RELN: variants seen among roughly 807,000 people sequenced by gnomAD.
RELN encodes reelin.
In RELN, 108 loss-of-function variants were observed where a neutral mutation model predicts 427.6. That is an observed-to-expected ratio of 0.25 (90% CI 0.22 to 0.30). The LOEUF is 0.30. RELN is among the 10% of genes least tolerant of loss of function. The probability of loss-of-function intolerance (pLI) is 1.00; values close to 1 mark genes in which losing one functional copy is unlikely to be tolerated. For synonymous variants in RELN, 1,524 were observed against 1,513.4 expected (o/e 1.01, Z -0.16); for missense variants, 3,715 against 4,302.8 (o/e 0.86, Z 3.82).
At chr7:103,861,594 C>T (rs1418634984) in intron 2 of RELN, among the ~76,000 whole-genome samples, 1 of 152,112 alleles carries the variant, frequency 6.6e-6, no homozygotes. Flanking sequence ...TGTTTACATT[C>T]CAAAGCAAAA....
At chr7:103,921,413 C>G (rs914610527) in intron 1 of RELN, among the ~76,000 whole-genome samples, 1 of 151,986 alleles carries the variant, frequency 6.6e-6, no homozygotes, top group African/African-American at 2.4e-5. Flanking sequence ...AAATTCTTTC[C>G]CAAGGGACTT....
intron 6 of RELN, among the ~76,000 whole-genome samples, chr7:103,738,674 T>C (rs944151750): frequency 7.1e-5 from 2 of 28,010 alleles, no homozygotes; most frequent in East Asian, 8.6e-4. Context: ...CTTCCTTCCT[T>C]TTTTTTTTTT....
intron 3 of RELN, among the ~76,000 whole-genome samples, chr7:103,787,303 C>T (rs1232320866): frequency 6.6e-6 from 1 of 151,750 alleles, no homozygotes; most frequent in African/African-American, 2.4e-5. Flanking sequence ...AAAGCAAGAA[C>T]AAACAAATTC....
rs113221814 is a variant in RELN at position 103,521,777 on chromosome 7, C to T, written c.7668+245G>A. ...TGGGAATGATTAATATTTTCTGATT[C>T]CTTAGTATAAAGCATAGCATAAAGT... On this transcript the variant is annotated intron_variant, in intron 48 of 64. Coordinates refer to ENST00000428762, the MANE Select transcript of RELN (RefSeq NM_005045.4). 0.019 allele frequency among the ~76,000 whole-genome samples: 2,863 copies of T among 152,174 alleles called. 97 individuals are homozygous for T. The highest frequency in any genetic ancestry group is 0.065 in the African/African-American group (2,715 of 41,498).
rs60265174 is a variant in RELN at position 103,930,868 on chromosome 7, ATGTGTGTGTGTG to A, written c.227-13695_227-13684del. Among the ~76,000 whole-genome samples, 734 of 142,002 alleles carry A rather than the reference ATGTGTGTGTGTG, an allele frequency of 5.2e-3. 8 individuals are homozygous for A. The highest frequency in any genetic ancestry group is 0.017 in the African/African-American group (671 of 38,812). 93.2% of individuals were successfully genotyped at this position (142,002 alleles called of 152,430 possible). On this transcript the variant is annotated intron_variant, in intron 1 of 64. Transcript: ENST00000428762. ...AGTTATGCTTCTTGGGTGTGAGCAT[ATGTGTGTGTGTG>A]TGTGTGTGTGTGTGTGTGTGTGTGT...
intron 50 of RELN, chr7:103,513,606 G>A (rs1829483586): frequency 6.6e-6 from 1 of 151,956 alleles, no homozygotes; most frequent in Admixed American, 6.6e-5. Context: ...TTAAACGAGG[G>A]TGTTTCAAAG....
intron 4 of RELN, among the ~76,000 whole-genome samples, chr7:103,771,118 T>A (rs942547048): frequency 5.9e-5 from 9 of 151,852 alleles, no homozygotes; most frequent in Non-Finnish European, 1.2e-4. Flanking sequence ...GGTTTCACTA[T>A]GTTGGCCAGG....
intron 3 of RELN, among the ~76,000 whole-genome samples, chr7:103,782,731 T>C (rs1173756219): frequency 6.6e-6 from 1 of 152,220 alleles, no homozygotes; most frequent in African/African-American, 2.4e-5. Flanking sequence ...AGTATTTTAA[T>C]ATACTTGCTA....
At position 103,650,259 on chromosome 7, in the gene RELN, G is replaced by A; in HGVS notation, c.2002+15C>T. On this transcript the variant is annotated intron_variant, in intron 16 of 64. Transcript: ENST00000428762. ...ACATCAATGGCATGTGATTATGACA[G>A]GCATAAACACTAACCATTATCAATT... The A allele has an allele frequency of 7.0e-7, 1 of 1,430,328 alleles. No individual in the cohort carries two copies. 88.6% of individuals were successfully genotyped at this position (1,430,328 alleles called of 1,614,324 possible). A position where few individuals can be genotyped will look rare whatever the true frequency, so the allele number is the denominator to read the frequency against.
chr7:103,728,070 A>T, intron 7 of RELN, 41 bp downstream of exon 7: 1 of 1,596,962 alleles, frequency 6.3e-7, no homozygotes. Flanking sequence ...AGCTCAGTAA[A>T]TACTATAATG....
chr7:103,898,699 C>T (rs923064359), intron 2 of RELN, among the ~76,000 whole-genome samples: 2 of 149,202 alleles, frequency 1.3e-5, no homozygotes, highest in Admixed American at 6.6e-5. Flanking sequence ...ATTTTGCTCA[C>T]ATATATTGAA....
chr7:103,923,196 G>A (rs1795653346), intron 1 of RELN, among the ~76,000 whole-genome samples: 1 of 152,092 alleles, frequency 6.6e-6, no homozygotes, highest in African/African-American at 2.4e-5. Flanking sequence ...CTCTGAAGAA[G>A]AAATAAACTG....
chr7:103,522,069 T>C lies in RELN; in HGVS notation c.7621A>G (p.Thr2541Ala), dbSNP rs1324853799. ...WLTVNGGKLS[T>A]VCGAVASGMA... Reference sequence around the variant, plus strand: ...CCCGACGCCACGGCTCCACACACTGTACTCAATTTCCCTCCGTTCACAGTC... The same window carrying C: ...CCCGACGCCACGGCTCCACACACTGCACTCAATTTCCCTCCGTTCACAGTC... Residue 2541 changes from threonine (T) to alanine (A), a missense_variant, in exon 48 of 65, where the codon ACA (threonine) becomes GCA (alanine). Coordinates refer to ENST00000428762, the MANE Select transcript of RELN (RefSeq NM_005045.4). 1 of 1,614,152 alleles carries C rather than the reference T, an allele frequency of 6.2e-7. No individual in the cohort carries two copies. The highest frequency in any genetic ancestry group is 1.1e-5 in the South Asian group (1 of 91,080).
intron 43 of RELN, 61 bp from the exon 44 acceptor site, chr7:103,540,516 A>G: frequency 6.6e-7 from 1 of 1,513,456 alleles, no homozygotes; most frequent in Non-Finnish European, 9.1e-7. Context: ...ATGCTTAACA[A>G]CAGACAAGCA....
intron 19 of RELN, among the ~76,000 whole-genome samples, chr7:103,633,240 T>C (rs916307488): frequency 6.6e-6 from 1 of 152,036 alleles, no homozygotes; most frequent in African/African-American, 2.4e-5. Context: ...AGAAGCAATA[T>C]GGAATTCACG....
intron 52 of RELN, among the ~76,000 whole-genome samples, chr7:103,502,409 CTT>C (rs1455291200): frequency 6.6e-6 from 1 of 152,180 alleles, no homozygotes; most frequent in Non-Finnish European, 1.5e-5. Flanking sequence ...TTTTGTGTAT[CTT>C]TACTTTTAAA....
chr7:103,654,300 G>T, intron 12 of RELN, 95 bp from the exon 13 acceptor site: 2 of 732,494 alleles, frequency 2.7e-6, no homozygotes, highest in Non-Finnish European at 5.0e-6. Flanking sequence ...AATCATTATA[G>T]TACCCAGATG....
chr7:103,523,306 G>T lies in RELN; in HGVS notation c.7490+85C>A. On this transcript the variant is annotated intron_variant, in intron 47 of 64. Transcript: ENST00000428762. ...GTATAACTTAAGGAAGCATGGGAGT[G>T]ATTCAAAAACCAGTTACAGAAAAAT... 2.0e-6 allele frequency: 3 copies of T among 1,492,188 alleles called. No homozygotes were observed. The South Asian group carries it at 3.4e-5, about 17-fold the overall frequency. The allele number at this position is 1,492,188 out of a possible 1,614,324, so 92.4% of individuals were successfully genotyped here. A position where few individuals can be genotyped will look rare whatever the true frequency, so the allele number is the denominator to read the frequency against.
At chr7:103,701,829 C>CAA (rs200572253) in intron 8 of RELN, among the ~76,000 whole-genome samples, 1 of 150,350 alleles carries the variant, frequency 6.7e-6, no homozygotes, top group Non-Finnish European at 1.5e-5. Context: ...TGAACCAAAA[C>CAA]AAAAAAAAAT....
Sources: gnomAD v4.1 joint callset for allele counts (sites outside exome capture counted in the v4.1 genomes callset) on GRCh38, gnomAD v4.1.1 for gene constraint, MANE v1.5 for transcripts, NCBI Gene and HGNC (gene_info 2026-07-23, HGNC 2026-07-21) for gene names.